ZCCHC14: variants seen among roughly 807,000 people sequenced by gnomAD.
ZCCHC14 encodes the protein zinc finger CCHC-type containing 14.
Under a neutral mutation model 85.0 loss-of-function variants are expected in ZCCHC14, and 16 were observed. The observed-to-expected ratio is 0.19, with a 90% CI of 0.13 to 0.29. ZCCHC14 has a LOEUF of 0.29. Among genes scored for constraint, ZCCHC14 ranks in the 10% least tolerant of loss-of-function variants. ZCCHC14 has a pLI of 1.00. For synonymous variants in ZCCHC14, 775 were observed against 630.7 expected (o/e 1.23, Z -3.43); for missense variants, 1,303 against 1,443.5 (o/e 0.90, Z 1.58).
chr16:87,468,837 G>A (rs9934645), intron 1 of ZCCHC14, among the ~76,000 whole-genome samples: 5 of 151,998 alleles, frequency 3.3e-5, no homozygotes, highest in Non-Finnish European at 7.4e-5. Flanking sequence ...GTACCTGCCC[G>A]CAGGCCTCAG....
At chr16:87,414,992 G>C (rs1192079851) in intron 9 of ZCCHC14, among the ~76,000 whole-genome samples, 6 of 152,218 alleles carry the variant, frequency 3.9e-5, no homozygotes, top group African/African-American at 9.7e-5. Flanking sequence ...TGAGGCAGGA[G>C]AATCGCTTGA....
At chr16:87,471,469 C>G (rs981555370) in intron 1 of ZCCHC14, 2 of 152,252 alleles carry the variant, frequency 1.3e-5, no homozygotes, top group African/African-American at 4.8e-5. Flanking sequence ...TGCTTAAAAT[C>G]TCAGCAAAGG....
chr16:87,468,554 C>T (rs1208855750), intron 1 of ZCCHC14, among the ~76,000 whole-genome samples: 1 of 152,092 alleles, frequency 6.6e-6, no homozygotes, highest in Non-Finnish European at 1.5e-5. Flanking sequence ...AACCTACAAA[C>T]AGTTCCTTAT....
intron 1 of ZCCHC14, among the ~76,000 whole-genome samples, chr16:87,468,323 T>C (rs1911623320): frequency 6.6e-6 from 1 of 152,200 alleles, no homozygotes; most frequent in African/African-American, 2.4e-5. Flanking sequence ...AAAAATAATA[T>C]TGCTCATTAA....
chr16:87,445,125 G>C (rs572466963), intron 2 of ZCCHC14, among the ~76,000 whole-genome samples: 1 of 151,316 alleles, frequency 6.6e-6, no homozygotes, highest in Admixed American at 6.6e-5. Flanking sequence ...GGAGTGCAGC[G>C]GTGTGATATC....
intron 2 of ZCCHC14, among the ~76,000 whole-genome samples, chr16:87,442,681 A>G (rs1247941510): frequency 6.6e-6 from 1 of 152,380 alleles, no homozygotes; most frequent in Non-Finnish European, 1.5e-5. Flanking sequence ...TCCAAACAAG[A>G]TAAGCCCAAA....
intron 3 of ZCCHC14, among the ~76,000 whole-genome samples, chr16:87,425,765 C>T (rs1006891235): frequency 1.3e-5 from 2 of 152,142 alleles, no homozygotes; most frequent in South Asian, 2.1e-4. Flanking sequence ...GGCTGTCCCC[C>T]GCGCTGCTGA....
intron 7 of ZCCHC14, among the ~76,000 whole-genome samples, 200 bp downstream of exon 7, chr16:87,418,647 T>C (rs1463599562): frequency 6.6e-6 from 1 of 152,234 alleles, no homozygotes; most frequent in African/African-American, 2.4e-5. Flanking sequence ...GAGGAGTCCC[T>C]GGGAATTCTG....
intron 2 of ZCCHC14, among the ~76,000 whole-genome samples, chr16:87,444,784 G>A (rs1048680102): frequency 6.6e-6 from 1 of 152,180 alleles, no homozygotes; most frequent in East Asian, 1.9e-4. Context: ...GGATACAAAG[G>A]AGGCCAAATG....
In ZCCHC14 at chr16:87,412,149, C is replaced by T. The variant is rs755636523; in HGVS notation, c.2572G>A (p.Ala858Thr). ...GGGGCTGGGCAGCTGGGCAACGTGG[C>T]CATGTTGGCAAAGGACGTGGAGGGG... Reference protein sequence around the residue: ...SHPSTSFANMATLPSCPAPSS... With the variant: ...SHPSTSFANMTTLPSCPAPSS... The change falls in exon 12 of 13, where the codon GCC becomes ACC. Residue 858 changes from alanine (A) to threonine (T), a missense_variant. By Grantham distance (58) the Ala-to-Thr change is moderately conservative. Transcript: ENST00000671377. 3 of 1,613,950 alleles carry T rather than the reference C, an allele frequency of 1.9e-6. No homozygotes were observed. Among genetic ancestry groups the T allele is most frequent in the Non-Finnish European group, 2.5e-6 (3 of 1,180,030 alleles).
rs1240312750 is a variant in ZCCHC14, at chr16:87,408,554, G to A, written c.*1726C>T. 1.3e-5 allele frequency: 2 copies of A among 152,556 alleles called. No homozygotes were observed. The highest frequency in any genetic ancestry group is 4.8e-5 in the African/African-American group (2 of 41,454). 9.5% of individuals were successfully genotyped at this position (152,556 alleles called of 1,614,324 possible). On this transcript the variant is annotated 3_prime_UTR_variant, in exon 13 of 13. Transcript: ENST00000671377. ...TTCCCCTAAATAGCTGTTGTAATAA[G>A]CATCACCATTACTTCAACACTGTAA... is the stretch of plus-strand genomic sequence containing the variant.
In ZCCHC14 at chr16:87,445,855, AAACT is replaced by A. The variant is rs746965830; in HGVS notation, c.695-12658_695-12655del. On this transcript the variant is annotated intron_variant, in intron 2 of 12. Coordinates refer to ENST00000671377, the MANE Select transcript of ZCCHC14 (RefSeq NM_015144.3). ...AAATTAAATAATGATTGTTGAGGGA[AAACT>A]AATTTTTTAATTAAAGAAGATTCCA... Among the ~76,000 whole-genome samples, 372 of 152,312 alleles carry A rather than the reference AAACT, an allele frequency of 2.4e-3. 3 individuals are homozygous for A. Among genetic ancestry groups the A allele is most frequent in the Non-Finnish European group, 2.3e-3 (155 of 68,026 alleles).
intron 1 of ZCCHC14, among the ~76,000 whole-genome samples, chr16:87,478,870 G>A (rs1912142339): frequency 6.6e-6 from 1 of 152,166 alleles, no homozygotes; most frequent in South Asian, 2.1e-4. Flanking sequence ...CTCCCAAAGT[G>A]CTAGGATTAC....
chr16:87,430,231 G>A lies in ZCCHC14; in HGVS notation c.768+2897C>T, dbSNP rs141887753. ...TGAGTTAATTTGGTGTAAGGGCAGCGGCGGGAGTCAAGGCTTGCTTCTCCT... is the reference window on the plus strand; with the variant it reads ...TGAGTTAATTTGGTGTAAGGGCAGCAGCGGGAGTCAAGGCTTGCTTCTCCT... On this transcript the variant is annotated intron_variant, in intron 3 of 12. Coordinates refer to ENST00000671377, the MANE Select transcript of ZCCHC14 (RefSeq NM_015144.3). 1.1e-4 allele frequency among the ~76,000 whole-genome samples: 16 copies of A among 152,244 alleles called. No individual in the cohort carries two copies. The East Asian group carries it at 2.9e-3, about 28-fold the overall frequency.
Position 87,491,133 on chromosome 16 carries a change from T to C in ZCCHC14, c.570+536A>G, listed in dbSNP as rs1912738984. Among the ~76,000 whole-genome samples, 1 of 152,268 alleles carries C rather than the reference T, an allele frequency of 6.6e-6. No individual in the cohort carries two copies. The highest frequency in any genetic ancestry group is 2.4e-5 in the African/African-American group (1 of 41,480). On this transcript the variant is annotated intron_variant, in intron 1 of 12. Coordinates refer to ENST00000671377, the MANE Select transcript of ZCCHC14 (RefSeq NM_015144.3). The surrounding 1 kb of genome is among the most constrained non-coding windows in gnomAD (Gnocchi z 5.9). ...CCCCATTAAGGGGACAAAGGCCTTA[T>C]CGCGTTTGCAGCCGGCTAAGTGAAA...
Position 87,460,087 on chromosome 16 carries a change from A to G in ZCCHC14, c.615T>C (p.Ser205=). The G allele has an allele frequency of 6.2e-7, 1 of 1,614,062 alleles. No individual in the cohort carries two copies. The highest frequency in any genetic ancestry group is 2.2e-5 in the East Asian group (1 of 44,874). The change falls in exon 2 of 13, where the codon AGT becomes AGC. Residue 205 remains serine (S), a synonymous_variant. Coordinates refer to ENST00000671377, the MANE Select transcript of ZCCHC14 (RefSeq NM_015144.3). ...CTGATGTGTGCAGGGCATTCTCCAAACTATTACTGACACTGCTGACAGGGG... is the reference window on the plus strand; with the variant it reads ...CTGATGTGTGCAGGGCATTCTCCAAGCTATTACTGACACTGCTGACAGGGG... ...TEAPVSSVSN[S]LENALHTSAH...
intron 8 of ZCCHC14, among the ~76,000 whole-genome samples, chr16:87,416,514 T>G (rs1158724813): frequency 6.6e-6 from 1 of 152,068 alleles, no homozygotes; most frequent in Admixed American, 6.5e-5. Flanking sequence ...TCCCAGCACT[T>G]TGGGAGACCG....
At chr16:87,431,206 G>A (rs1909639792) in intron 3 of ZCCHC14, among the ~76,000 whole-genome samples, 1 of 147,744 alleles carries the variant, frequency 6.8e-6, no homozygotes, top group African/African-American at 2.5e-5. Context: ...AGGTACAGTG[G>A]CTCACGCCTG....
At chr16:87,411,406 G>A (rs554729775) in intron 12 of ZCCHC14, 110 bp downstream of exon 12, 233 of 1,528,326 alleles carry the variant, frequency 1.5e-4, no homozygotes, top group Middle Eastern at 1.8e-4. Flanking sequence ...AAGAGCATTC[G>A]AAAAATTATT....
Sources: gnomAD v4.1 joint callset for allele counts (sites outside exome capture counted in the v4.1 genomes callset) on GRCh38, gnomAD v4.1.1 for gene constraint, Gnocchi (gnomAD v3.1) non-coding constraint, MANE v1.5 for transcripts, NCBI Gene and HGNC (gene_info 2026-07-23, HGNC 2026-07-21) for gene names.